GFRA1: variants seen among roughly 807,000 people sequenced by gnomAD.
The protein encoded by GFRA1 is GDNF family receptor alpha-1.
A neutral mutation model predicts 51.6 loss-of-function variants in GFRA1; 16 were observed. The ratio of observed to expected loss-of-function variants is 0.31; its 90% CI spans 0.21 to 0.47. GFRA1 has a LOEUF of 0.47. GFRA1 is among the 20% of genes least tolerant of loss of function. The pLI, the probability that GFRA1 is intolerant of heterozygous loss-of-function variation, is 1.00. For missense variants in GFRA1, 530 were observed against 594.3 expected (o/e 0.89, Z 1.13); for synonymous variants, 270 against 241.3 (o/e 1.12, Z -1.10).
At chr10:116,076,769 T>C (rs1270613831) in intron 9 of GFRA1, among the ~76,000 whole-genome samples, 5 of 152,198 alleles carry the variant, frequency 3.3e-5, no homozygotes, top group Admixed American at 2.6e-4. Context: ...TAATTCCCCA[T>C]GGTGTGCTCC....
intron 4 of GFRA1, chr10:116,226,774 GT>G: frequency 2.4e-6 from 1 of 422,084 alleles, no homozygotes. Flanking sequence ...CCCTGACCTT[GT>G]TTTCCTGCAA....
intron 6 of GFRA1, among the ~76,000 whole-genome samples, chr10:116,124,328 C>T (rs1472151630): frequency 6.6e-6 from 1 of 151,978 alleles, no homozygotes; most frequent in African/African-American, 2.4e-5. Flanking sequence ...CTCCCAGGTT[C>T]AAGCGATTCT....
chr10:116,229,732 A>G (rs1966563716), intron 4 of GFRA1, among the ~76,000 whole-genome samples: 1 of 152,124 alleles, frequency 6.6e-6, no homozygotes, highest in African/African-American at 2.4e-5. Context: ...CCCCTAATAC[A>G]TCGACATTTT....
In GFRA1 at chr10:116,089,842, T is replaced by G; in HGVS notation, c.1096A>C (p.Thr366Pro). The G allele has an allele frequency of 6.2e-7, 1 of 1,613,522 alleles. No homozygotes were observed. Among genetic ancestry groups the G allele is most frequent in the Non-Finnish European group, 8.5e-7 (1 of 1,179,554 alleles). ...PAFPVQTTTATTTTALRVKNK... is the reference protein window; with the variant it reads ...PAFPVQTTTAPTTTALRVKNK... ...TTAACCCGGAGGGCAGTGGTGGTAG[T>G]GGCAGTGGTGGTCTGTACTGGGAAG... The change falls in exon 9 of 11, where the codon ACT (threonine) becomes CCT (proline). Residue 366 changes from threonine (T) to proline (P), a missense_variant. Transcript: ENST00000355422.
At chr10:116,093,646 G>A in intron 8 of GFRA1, 56 bp downstream of exon 8, 2 of 1,512,198 alleles carry the variant, frequency 1.3e-6, no homozygotes, top group Non-Finnish European at 1.8e-6. Flanking sequence ...GGTACAGCTG[G>A]AGCTCGGAGA....
At chr10:116,255,827 C>A in intron 4 of GFRA1, 1 of 1,053,360 alleles carries the variant, frequency 9.5e-7, no homozygotes, top group Non-Finnish European at 1.3e-6. Flanking sequence ...TCGCAAAAAA[C>A]CTGAGTTACT....
chr10:116,091,931 G>C (rs1956355293), intron 8 of GFRA1, among the ~76,000 whole-genome samples: 1 of 152,124 alleles, frequency 6.6e-6, no homozygotes, highest in African/African-American at 2.4e-5. Context: ...TCACCAAAAA[G>C]GTTATAAAGC....
chr10:116,125,589 C>T (rs759976493), intron 5 of GFRA1, 32 bp from the exon 6 acceptor site: 8 of 1,532,432 alleles, frequency 5.2e-6, no homozygotes. Flanking sequence ...GGCATGGTCA[C>T]AGTGCTCGGC....
chr10:116,173,293 T>A (rs1161749763), intron 5 of GFRA1, among the ~76,000 whole-genome samples: 1 of 152,166 alleles, frequency 6.6e-6, no homozygotes. Flanking sequence ...TCATGCTGTC[T>A]GCCGTCCCAG....
intron 6 of GFRA1, among the ~76,000 whole-genome samples, chr10:116,118,445 G>A (rs754863212): frequency 6.6e-6 from 1 of 152,078 alleles, no homozygotes; most frequent in Non-Finnish European, 1.5e-5. Context: ...TTCCTCTGAC[G>A]CCATGACAGT....
Position 116,196,626 on chromosome 10 carries a change from ATAATATATAGTACTATATATAATAT to A in GFRA1, c.433+14980_433+15004del, listed in dbSNP as rs1963834198. ...ATATATAGTACTATATATAATATAT[ATAATATATAGTACTATATATAATAT>A]ATATATAGTACTATATATAATATAT... On this transcript the variant is annotated intron_variant, in intron 5 of 10. Transcript: ENST00000355422. Among the ~76,000 whole-genome samples the A allele has an allele frequency of 9.1e-5, 3 of 32,916 alleles. 1 individual carries two copies. Among genetic ancestry groups the A allele is most frequent in the African/African-American group, 3.2e-4 (3 of 9,468 alleles). 21.6% of individuals were successfully genotyped at this position (32,916 alleles called of 152,430 possible). A position where few individuals can be genotyped will look rare whatever the true frequency, so the allele number is the denominator to read the frequency against.
Position 116,128,869 on chromosome 10 carries a change from G to T in GFRA1, c.434-3312C>A, listed in dbSNP as rs185651255. ...AGAAAAGCAATATTTTTTTTAAAAA[G>T]GCTTTGTACAAAGTTGGAACAGGGT... is the stretch of plus-strand genomic sequence containing the variant. On this transcript the variant is annotated intron_variant, in intron 5 of 10. Transcript: ENST00000355422. 1.2e-3 allele frequency among the ~76,000 whole-genome samples: 184 copies of T among 151,760 alleles called. 1 individual carries two copies. Among genetic ancestry groups the T allele is most frequent in the African/African-American group, 4.3e-3 (177 of 41,360 alleles).
At chr10:116,172,161 C>T (rs980175415) in intron 5 of GFRA1, among the ~76,000 whole-genome samples, 1 of 152,172 alleles carries the variant, frequency 6.6e-6, no homozygotes, top group Non-Finnish European at 1.5e-5. Context: ...TGCTGGAGGA[C>T]GAGCAGGAGC....
At chr10:116,206,333 G>A (rs1450438335) in intron 5 of GFRA1, among the ~76,000 whole-genome samples, 2 of 152,150 alleles carry the variant, frequency 1.3e-5, no homozygotes, top group Non-Finnish European at 2.9e-5. Context: ...TTCAGAAGTG[G>A]CTGAGTAAAC....
At chr10:116,238,152 G>C (rs1262064372) in intron 4 of GFRA1, among the ~76,000 whole-genome samples, 3 of 152,162 alleles carry the variant, frequency 2.0e-5, no homozygotes, top group Admixed American at 2.0e-4. Context: ...AACTTTAAGT[G>C]CACGCAAACC....
At chr10:116,237,126 G>A (rs1966929163) in intron 4 of GFRA1, among the ~76,000 whole-genome samples, 1 of 152,142 alleles carries the variant, frequency 6.6e-6, no homozygotes, top group Admixed American at 6.5e-5. Context: ...AGTGTCTTAT[G>A]AATCCATCCA....
chr10:116,214,135 A>G (rs1179138742), intron 4 of GFRA1, among the ~76,000 whole-genome samples: 1 of 151,992 alleles, frequency 6.6e-6, no homozygotes, highest in Non-Finnish European at 1.5e-5. Context: ...TGGAACCCAT[A>G]GTCTGCACCA....
chr10:116,125,246 A>C lies in GFRA1; in HGVS notation c.745T>G (p.Ser249Ala). ...EKPNCLNLQD[S>A]CKTNYICRSR... Reference sequence around the variant, plus strand: ...CTGCAGATGTAATTCGTCTTGCAGGAGTCCTGCAAATTCAAACAGTTGGGC... The same window carrying C: ...CTGCAGATGTAATTCGTCTTGCAGGCGTCCTGCAAATTCAAACAGTTGGGC... The change falls in exon 6 of 11, where the codon TCC (serine) becomes GCC (alanine). Residue 249 changes from serine to alanine, a missense_variant. Transcript: ENST00000355422. 6.2e-7 allele frequency: 1 copy of C among 1,614,150 alleles called. No homozygotes were observed. Among genetic ancestry groups the C allele is most frequent in the Non-Finnish European group, 8.5e-7 (1 of 1,179,984 alleles).
chr10:116,078,038 T>C (rs1751258407), intron 9 of GFRA1, among the ~76,000 whole-genome samples: 1 of 152,206 alleles, frequency 6.6e-6, no homozygotes, highest in Non-Finnish European at 1.5e-5. Context: ...GTATGATACC[T>C]AGGATGTAGG....
Sources: allele counts gnomAD v4.1 joint callset (sites outside exome capture counted in the v4.1 genomes callset), GRCh38; gene constraint gnomAD v4.1.1; transcripts MANE v1.5; gene names NCBI Gene and HGNC (gene_info 2026-07-23, HGNC 2026-07-21).